Variants in PTPRU observed in about 807,000 individuals in gnomAD.
The protein encoded by PTPRU is receptor-type tyrosine-protein phosphatase U.
In PTPRU, 69 loss-of-function variants were observed where a neutral mutation model predicts 166.3. That is an observed-to-expected ratio of 0.41 (90% CI 0.34 to 0.51). PTPRU has a LOEUF of 0.51. Among genes scored for constraint, PTPRU ranks in the 20% least tolerant of loss-of-function variants. The pLI is 0.09. For synonymous variants in PTPRU, 793 were observed against 814.0 expected, an observed-to-expected ratio of 0.97 and a Z score of 0.44; for missense variants, 1,657 against 2,013.7, an observed-to-expected ratio of 0.82 and a Z score of 3.39.
At chr1:29,255,525 C>A in intron 2 of PTPRU, 119 bp downstream of exon 2, 8 of 1,402,002 alleles carry the variant, frequency 5.7e-6, no homozygotes, top group Non-Finnish European at 7.9e-6. Context: ...ACATTTGCAT[C>A]TTTAATGACA....
chr1:29,256,293 A>G (rs1046546884), intron 2 of PTPRU, among the ~76,000 whole-genome samples: 1 of 152,160 alleles, frequency 6.6e-6, no homozygotes, highest in African/African-American at 2.4e-5. Flanking sequence ...AAAAAGAATG[A>G]GACAAATAAA....
chr1:29,269,506 G>A (rs77081876), intron 7 of PTPRU, among the ~76,000 whole-genome samples: 19 of 151,678 alleles, frequency 1.3e-4, no homozygotes, highest in East Asian at 3.9e-4. Flanking sequence ...TGGCCAGGAC[G>A]GAAGCTGGGG....
intron 7 of PTPRU, among the ~76,000 whole-genome samples, chr1:29,265,563 A>G (rs1367099075): frequency 6.6e-6 from 1 of 151,912 alleles, no homozygotes; most frequent in Non-Finnish European, 1.5e-5. Flanking sequence ...GGGTTTCAGC[A>G]TGTTGGCCAG....
At chr1:29,283,497 T>C (rs1686197399) in intron 12 of PTPRU, among the ~76,000 whole-genome samples, 1 of 152,042 alleles carries the variant, frequency 6.6e-6, no homozygotes, top group South Asian at 2.1e-4. Context: ...TAGATGCTTC[T>C]CTTCCCAGAG....
At position 29,259,261 on chromosome 1, in the gene PTPRU, G is replaced by A. The variant is rs1163560133; in HGVS notation, c.478G>A (p.Val160Met). Residue 160 changes from valine to methionine, a missense_variant and splice_region_variant, in exon 4 of 30, where the codon GTG becomes ATG. Val to Met is a conservative substitution (Grantham distance 21). Transcript: ENST00000373779. The part of the protein sequence containing the change: ...VSTFWPNEYQ[V>M]LFEALISPDR... ...ATAGGGGCCCTCCCGCCTCCCCCAG[G>A]TGCTGTTTGAGGCCCTCATCTCCCC... 1.2e-6 allele frequency: 2 copies of A among 1,612,994 alleles called. No individual in the cohort carries two copies. Among genetic ancestry groups the A allele is most frequent in the Middle Eastern group, 1.7e-4 (1 of 6,046 alleles).
rs1207625053 is a variant in PTPRU at position 29,315,444 on chromosome 1, C to T, written c.3300C>T (p.Val1100=). ...TGGACATGGCAGAGTGTGAGGGCGT[C>T]GTGGACATTTACAACTGTGTGAAGA... is the stretch of plus-strand genomic sequence containing the variant. ...VMLDMAECEG[V]VDIYNCVKTL... Residue 1100 remains valine, a synonymous_variant, in exon 23 of 30, where the codon GTC becomes GTT. Transcript: ENST00000373779. This position sits in a 1 kb window ranked among gnomAD's most constrained non-coding sequence, Gnocchi z 4.5. 28 of 1,614,078 alleles carry T rather than the reference C, an allele frequency of 1.7e-5. No individual in the cohort carries two copies. Among genetic ancestry groups the T allele is most frequent in the East Asian group, 6.7e-5 (3 of 44,898 alleles).
At chr1:29,298,389 C>G (rs1686989517) in intron 15 of PTPRU, among the ~76,000 whole-genome samples, 1 of 152,100 alleles carries the variant, frequency 6.6e-6, no homozygotes, top group South Asian at 2.1e-4. Context: ...CCACTTCCTT[C>G]TTTTCCAAAC....
rs181469292 is a variant in PTPRU, at chr1:29,326,739, T to C, written c.*1078T>C. On this transcript the variant is annotated 3_prime_UTR_variant, in exon 30 of 30. Transcript: ENST00000373779. The stretch of plus-strand genomic sequence containing the variant: ...TACTGACCTACCTCGCAGGGGGCTG[T>C]GGGGAGGCATAAGCTGATGTTTGTA... 1 of 152,340 alleles carries C rather than the reference T, an allele frequency of 6.6e-6. No individual in the cohort carries two copies. Among genetic ancestry groups the C allele is most frequent in the Non-Finnish European group, 1.5e-5 (1 of 68,110 alleles). 9.4% of individuals were successfully genotyped at this position (152,340 alleles called of 1,614,324 possible).
intron 14 of PTPRU, among the ~76,000 whole-genome samples, chr1:29,290,540 G>A (rs1686579805): frequency 6.6e-6 from 1 of 152,156 alleles, no homozygotes; most frequent in African/African-American, 2.4e-5. Flanking sequence ...TCCCTCCCTC[G>A]AAGTGCAGGC....
chr1:29,258,632 G>T lies in PTPRU; in HGVS notation c.333G>T (p.Gly111=), dbSNP rs1303749627. 3.7e-6 allele frequency: 6 copies of T among 1,614,142 alleles called. No individual in the cohort carries two copies. The African/African-American group carries it at 8.0e-5, about 22-fold the overall frequency. ...QFSYFLYSRD[G]HSPGTLGVYV... The stretch of plus-strand genomic sequence containing the variant: ...GCTACTTCCTGTACAGCCGGGACGG[G>T]CACAGCCCGGGCACCCTGGGCGTCT... The change falls in exon 3 of 30, where the codon GGG becomes GGT. Residue 111 remains glycine, a synonymous_variant. Transcript: ENST00000373779.
At chr1:29,262,866 G>C (rs1685132445) in intron 7 of PTPRU, among the ~76,000 whole-genome samples, 1 of 151,950 alleles carries the variant, frequency 6.6e-6, no homozygotes, top group African/African-American at 2.4e-5. Context: ...TCTAGCCCTA[G>C]GCAACCACTA....
chr1:29,259,321 C>T lies in PTPRU; in HGVS notation c.538C>T (p.Leu180=), dbSNP rs529262147. 1.2e-6 allele frequency: 2 copies of T among 1,614,126 alleles called. No individual in the cohort carries two copies. The highest frequency in any genetic ancestry group is 2.2e-5 in the East Asian group (1 of 44,868). ...GGGCTACATGGGCCTAGATGACATC[C>T]TGCTTCTCAGCTACCCCTGCGGTGA... The part of the protein sequence containing the change: ...RRGYMGLDDI[L]LLSYPCAKAP... Residue 180 remains leucine, a synonymous_variant, in exon 4 of 30, where the codon CTG becomes TTG. Transcript: ENST00000373779.
At chr1:29,269,235 TATATATATATA>T (rs1306210818) in intron 7 of PTPRU, among the ~76,000 whole-genome samples, 14 of 44,222 alleles carry the variant, frequency 3.2e-4, no homozygotes, top group African/African-American at 9.6e-4. Context: ...TATATATATA[TATATATATATA>T]TTTTTTTTTT....
chr1:29,256,629 C>T (rs1684784925), intron 2 of PTPRU, among the ~76,000 whole-genome samples: 1 of 152,234 alleles, frequency 6.6e-6, no homozygotes, highest in Non-Finnish European at 1.5e-5. Context: ...CTGTGCCCTT[C>T]CTGGGGCACT....
At chr1:29,255,176 G>T in intron 1 of PTPRU, 99 bp from the exon 2 acceptor site, 1 of 1,396,148 alleles carries the variant, frequency 7.2e-7, no homozygotes, top group Non-Finnish European at 9.7e-7. Flanking sequence ...GAGGAGGGCA[G>T]GTGGGCCTGG....
chr1:29,244,428 A>G (rs1574597005), intron 1 of PTPRU, among the ~76,000 whole-genome samples: 1 of 152,030 alleles, frequency 6.6e-6, no homozygotes, highest in South Asian at 2.1e-4. Flanking sequence ...GGGTGATAAG[A>G]TAAGAGGTGG....
In PTPRU at chr1:29,320,212, T is replaced by C. The variant is rs763510556; in HGVS notation, c.3688-473T>C. 1 of 154,700 alleles carries C rather than the reference T, an allele frequency of 6.5e-6. No homozygotes were observed. Among genetic ancestry groups the C allele is most frequent in the Admixed American group, 6.5e-5 (1 of 15,374 alleles). The allele number at this position is 154,700 out of a possible 1,614,324, so 9.6% of individuals were successfully genotyped here. A position where few individuals can be genotyped will look rare whatever the true frequency, so the allele number is the denominator to read the frequency against. On this transcript the variant is annotated intron_variant, in intron 25 of 29. Coordinates refer to ENST00000373779, the MANE Select transcript of PTPRU (RefSeq NM_133178.4). This position sits in a 1 kb window ranked among gnomAD's most constrained non-coding sequence, Gnocchi z 5.2. ...CAGCCAGGCAGTGTTTAATGTGGAT[T>C]TGGGGTGTGTGTGGGGCTATTTTTG... is the stretch of plus-strand genomic sequence containing the variant.
At chr1:29,272,395 G>A (rs777856469) in intron 7 of PTPRU, among the ~76,000 whole-genome samples, 5 of 152,096 alleles carry the variant, frequency 3.3e-5, no homozygotes, top group Admixed American at 1.3e-4. Flanking sequence ...ATCTCTCTTC[G>A]ATGGCTCCAT....
chr1:29,259,724 T>A, intron 5 of PTPRU, 146 bp from the exon 6 acceptor site: 1 of 1,253,246 alleles, frequency 8.0e-7, no homozygotes, highest in African/African-American at 1.5e-5. Context: ...CTTTCTTGGG[T>A]CCCCCATTCC....
Sources: gnomAD v4.1 joint callset for allele counts (sites outside exome capture counted in the v4.1 genomes callset) on GRCh38, gnomAD v4.1.1 for gene constraint, Gnocchi (gnomAD v3.1) non-coding constraint, MANE v1.5 for transcripts, NCBI Gene and HGNC (gene_info 2026-07-23, HGNC 2026-07-21) for gene names.